Variants in PATL1 observed in about 807,000 individuals in gnomAD.
PATL1 encodes the protein protein PAT1 homolog 1.
Under a neutral mutation model 100.6 loss-of-function variants are expected in PATL1, and 32 were observed. The ratio of observed to expected loss-of-function variants is 0.32; its 90% CI spans 0.24 to 0.43. The LOEUF (loss-of-function observed/expected upper bound fraction) is 0.43. Ranked by LOEUF, PATL1 falls within the 20% of genes least tolerant of loss-of-function variation. The pLI is 1.00. For synonymous variants in PATL1, 332 were observed against 330.0 expected (o/e 1.01, Z -0.07); for missense variants, 747 against 949.9 (o/e 0.79, Z 2.81).
At position 59,643,029 on chromosome 11, in the gene PATL1, G is replaced by A. The variant is rs2134738091; in HGVS notation, c.1900C>T (p.Pro634Ser). 1.2e-6 allele frequency: 2 copies of A among 1,613,586 alleles called. No individual in the cohort carries two copies. The highest frequency in any genetic ancestry group is 2.2e-5 in the East Asian group (1 of 44,860). The part of the protein sequence containing the change: ...IKKDAQDEVL[P>S]CLLSPFSLLL... The stretch of plus-strand genomic sequence containing the variant: ...AGAGAGAAGGGACTCAGTAAGCATG[G>A]CAGCACCTACAAAAAACAAATAAAA... Residue 634 changes from proline (P) to serine (S), a missense_variant, in exon 16 of 19, where the codon CCA becomes TCA. Pro to Ser is a moderately conservative substitution (Grantham distance 74). Around this residue, in one of 4 missense-constraint regions of PATL1, gnomAD observed 434 missense variants for 596.1 expected, o/e 0.73. Transcript: ENST00000300146.
At chr11:59,651,718 T>G in intron 11 of PATL1, 77 bp from the exon 12 acceptor site, 1 of 923,152 alleles carries the variant, frequency 1.1e-6, no homozygotes, top group Non-Finnish European at 1.7e-6. Context: ...CAAAGAAGAT[T>G]TTTACTTTCC....
rs1197375707 is a variant in PATL1, at chr11:59,666,974, AAG to A, written c.16-12_16-11del. ...GACAATCCTCCAAAGACTAAAAAAAAAGAAAAGACATTAGTTATTCATGAAAT... is the reference window on the plus strand; with the variant it reads ...GACAATCCTCCAAAGACTAAAAAAAAAAAAGACATTAGTTATTCATGAAAT... On this transcript the variant is annotated splice_polypyrimidine_tract_variant and intron_variant, in intron 1 of 18. Transcript: ENST00000300146. The A allele has an allele frequency of 2.0e-6, 3 of 1,536,762 alleles. No homozygotes were observed. The highest frequency in any genetic ancestry group is 2.1e-5 in the Admixed American group (1 of 47,700).
intron 15 of PATL1, among the ~76,000 whole-genome samples, chr11:59,645,674 A>G (rs1403640416): frequency 6.6e-6 from 1 of 152,140 alleles, no homozygotes; most frequent in Non-Finnish European, 1.5e-5. Context: ...TATGTTTAAC[A>G]CTATTACCTC....
rs536595515 is a variant in PATL1 at position 59,659,300 on chromosome 11, T to A, written c.297A>T (p.Leu99=). The A allele has an allele frequency of 3.3e-4, 513 of 1,551,338 alleles. No individual in the cohort carries two copies. The highest frequency in any genetic ancestry group is 4.2e-4 in the Non-Finnish European group (483 of 1,146,820). ...RLSKMVIENE[L]EDPAIMRAVQ... ...CTGCCCTCATAATAGCTGGATCTTCTAGTTCATTTTCAATCACCATCTTAC... is the reference window on the plus strand; with the variant it reads ...CTGCCCTCATAATAGCTGGATCTTCAAGTTCATTTTCAATCACCATCTTAC... Residue 99 remains leucine (L), a synonymous_variant, in exon 3 of 19, where the codon CTA becomes CTT. Coordinates refer to ENST00000300146, the MANE Select transcript of PATL1 (RefSeq NM_152716.3).
intron 16 of PATL1, among the ~76,000 whole-genome samples, chr11:59,642,311 G>A (rs1861293773): frequency 6.6e-6 from 1 of 152,218 alleles, no homozygotes; most frequent in African/African-American, 2.4e-5. Flanking sequence ...ACTGCTAATT[G>A]CCTAATATGC....
At position 59,638,114 on chromosome 11, in the gene PATL1, A is replaced by C. The variant is rs1861220139; in HGVS notation, c.*276T>G. 2 of 492,530 alleles carry C rather than the reference A, an allele frequency of 4.1e-6. No individual in the cohort carries two copies. Among genetic ancestry groups the C allele is most frequent in the African/African-American group, 1.9e-5 (1 of 51,980 alleles). The allele number at this position is 492,530 out of a possible 1,614,324, so 30.5% of individuals were successfully genotyped here. The stretch of plus-strand genomic sequence containing the variant: ...GATTACACTTGTGTCTCTAGGGCAA[A>C]GAAAATGCAAAACAGAACTGAGTAA... On this transcript the variant is annotated 3_prime_UTR_variant, in exon 19 of 19. Transcript: ENST00000300146.
At chr11:59,663,083 T>C (rs1316214585) in intron 2 of PATL1, among the ~76,000 whole-genome samples, 2 of 152,166 alleles carry the variant, frequency 1.3e-5, no homozygotes, top group East Asian at 3.8e-4. Flanking sequence ...CTGTATCTTT[T>C]TCAAATGACC....
At chr11:59,666,274 T>A (rs1353438000) in intron 2 of PATL1, among the ~76,000 whole-genome samples, 1 of 149,852 alleles carries the variant, frequency 6.7e-6, no homozygotes, top group Non-Finnish European at 1.5e-5. Context: ...AAATAAATAA[T>A]ATGTATCTAT....
intron 5 of PATL1, among the ~76,000 whole-genome samples, 157 bp downstream of exon 5, chr11:59,657,373 C>T (rs1861551101): frequency 6.6e-6 from 1 of 152,198 alleles, no homozygotes; most frequent in Non-Finnish European, 1.5e-5. Context: ...GGGAATGTGT[C>T]TCTTATTTGT....
At position 59,639,268 on chromosome 11, in the gene PATL1, A is replaced by T. The variant is rs1028730358; in HGVS notation, c.2141+24T>A. 7 of 1,564,680 alleles carry T rather than the reference A, an allele frequency of 4.5e-6. No homozygotes were observed. In the African/African-American group the frequency reaches 9.5e-5, roughly 21 times the overall value. ...AGATTACCTCAAAGAACTTAAAATA[A>T]GAGAAGAAACAGTCCACACTGACCA... is the stretch of plus-strand genomic sequence containing the variant. On this transcript the variant is annotated intron_variant, in intron 17 of 18. Coordinates refer to ENST00000300146, the MANE Select transcript of PATL1 (RefSeq NM_152716.3).
At chr11:59,652,796 G>A (rs775682329) in intron 10 of PATL1, 42 bp downstream of exon 10, 5 of 1,592,514 alleles carry the variant, frequency 3.1e-6, no homozygotes, top group Admixed American at 3.4e-5. Context: ...ACCAGTGTAG[G>A]GGACCAAACT....
intron 10 of PATL1, 53 bp from the exon 11 acceptor site, chr11:59,652,640 G>A: frequency 6.3e-7 from 1 of 1,591,902 alleles, no homozygotes; most frequent in Non-Finnish European, 8.6e-7. Context: ...CACGACTGTT[G>A]TTTACCATCA....
Position 59,650,048 on chromosome 11 carries a change from T to C in PATL1, c.1585-438A>G, listed in dbSNP as rs180768178. Among the ~76,000 whole-genome samples the C allele has an allele frequency of 5.2e-4, 76 of 146,690 alleles. 1 individual carries two copies. Among genetic ancestry groups the C allele is most frequent in the African/African-American group, 1.8e-3 (72 of 39,360 alleles). ...AGGCAGGAGAATTACTTGAACCCGG[T>C]AGGCGGAGGTTGCAGTGAGCCAAGA... On this transcript the variant is annotated intron_variant, in intron 13 of 18. Coordinates refer to ENST00000300146, the MANE Select transcript of PATL1 (RefSeq NM_152716.3).
chr11:59,647,182 C>T lies in PATL1; in HGVS notation c.1893+572G>A, dbSNP rs189777164. 2.2e-5 allele frequency among the ~76,000 whole-genome samples: 3 copies of T among 138,954 alleles called. No homozygotes were observed. In the Admixed American group the frequency reaches 2.2e-4, roughly 10 times the overall value. The allele number at this position is 138,954 out of a possible 152,430, so 91.2% of individuals were successfully genotyped here. A position where few individuals can be genotyped will look rare whatever the true frequency, so the allele number is the denominator to read the frequency against. On this transcript the variant is annotated intron_variant, in intron 15 of 18. Transcript: ENST00000300146. ...AGGCTGCAGTGAGCCGAGATCACAC[C>T]ATTGCCCTACTGCCTGTGTGACAGA...
intron 18 of PATL1, among the ~76,000 whole-genome samples, chr11:59,638,773 C>T (rs987431963): frequency 3.3e-5 from 5 of 152,020 alleles, no homozygotes; most frequent in African/African-American, 9.7e-5. Context: ...CTCTGTCTCC[C>T]GGGTTTAAAT....
chr11:59,668,931 G>T lies in PATL1; in HGVS notation c.-36C>A, dbSNP rs1031928571. Reference sequence around the variant, plus strand: ...GGGGGCAGGGAGCGGGGAGGGGAGAGGGGGAGGGAGGGAAGAAGCGCTGAC... The same window carrying T: ...GGGGGCAGGGAGCGGGGAGGGGAGATGGGGAGGGAGGGAAGAAGCGCTGAC... On this transcript the variant is annotated 5_prime_UTR_variant, in exon 1 of 19. Coordinates refer to ENST00000300146, the MANE Select transcript of PATL1 (RefSeq NM_152716.3). The T allele has an allele frequency of 9.2e-6, 4 of 435,774 alleles. No homozygotes were observed. In the Admixed American group the frequency reaches 1.4e-4, roughly 15 times the overall value. The allele number at this position is 435,774 out of a possible 1,614,324, so 27.0% of individuals were successfully genotyped here.
chr11:59,660,242 G>A (rs117932599), intron 2 of PATL1, among the ~76,000 whole-genome samples: 2 of 152,070 alleles, frequency 1.3e-5, no homozygotes, highest in Non-Finnish European at 1.5e-5. Flanking sequence ...TTAATATTTG[G>A]TAAGCATCTA....
At chr11:59,661,537 G>C (rs1203853000) in intron 2 of PATL1, among the ~76,000 whole-genome samples, 1 of 151,894 alleles carries the variant, frequency 6.6e-6, no homozygotes, top group Non-Finnish European at 1.5e-5. Flanking sequence ...ATGTTATATG[G>C]TATTCTTTTT....
chr11:59,653,113 TTA>T, intron 9 of PATL1, 95 bp from the exon 10 acceptor site: 20 of 1,131,778 alleles, frequency 1.8e-5, no homozygotes, highest in Non-Finnish European at 2.2e-5. Context: ...TTTTTTTTTT[TTA>T]AAGATTCCCG....
Sources: gnomAD v4.1 joint callset for allele counts (sites outside exome capture counted in the v4.1 genomes callset) on GRCh38, gnomAD v4.1.1 for gene constraint, gnomAD v4.1.1 regional missense constraint, MANE v1.5 for transcripts, NCBI Gene and HGNC (gene_info 2026-07-23, HGNC 2026-07-21) for gene names.